Variants in TP53INP2 observed in about 807,000 individuals in gnomAD.
TP53INP2 encodes the protein tumor protein p53 inducible nuclear protein 2.
A neutral mutation model predicts 17.1 loss-of-function variants in TP53INP2; 12 were observed. That is an observed-to-expected ratio of 0.70 (90% CI 0.45 to 1.14). TP53INP2 has a LOEUF of 1.14. TP53INP2 is among the 50% of genes most tolerant of loss of function. The pLI is 0.00. For synonymous variants in TP53INP2, 145 were observed against 147.3 expected (o/e 0.98, Z 0.12); for missense variants, 342 against 330.9 (o/e 1.03, Z -0.26).
At position 34,713,357 on chromosome 20, in the gene TP53INP2, T is replaced by A. The variant is rs1219271773; in HGVS notation, c.*3050T>A. ...TGTATGTGTGTAACAGAATTCTGAT[T>A]GTTAGACTGTAATGCTATTCCTCTA... On this transcript the variant is annotated 3_prime_UTR_variant, in exon 5 of 5. Coordinates refer to ENST00000374810, the MANE Select transcript of TP53INP2 (RefSeq NM_021202.3). The A allele has an allele frequency of 2.0e-5, 3 of 152,636 alleles. No individual in the cohort carries two copies. The highest frequency in any genetic ancestry group is 7.2e-5 in the African/African-American group (3 of 41,462). The allele number at this position is 152,636 out of a possible 1,614,324, so 9.5% of individuals were successfully genotyped here.
rs1444206103 is a variant in TP53INP2, at chr20:34,708,695, T to G, written c.-45T>G. 32 of 1,543,894 alleles carry G rather than the reference T, an allele frequency of 2.1e-5. No homozygotes were observed. Among genetic ancestry groups the G allele is most frequent in the Non-Finnish European group, 2.7e-5 (31 of 1,147,602 alleles). ...TCACGTCCTTCTGATTCCCAGGTTT[T>G]TGCACTGCCATAGGGCGCCCCCGTG... On this transcript the variant is annotated 5_prime_UTR_variant, in exon 3 of 5. Coordinates refer to ENST00000374810, the MANE Select transcript of TP53INP2 (RefSeq NM_021202.3).
intron 3 of TP53INP2, 41 bp downstream of exon 3, chr20:34,708,904 T>A: frequency 6.2e-7 from 1 of 1,600,688 alleles, no homozygotes; most frequent in South Asian, 1.1e-5. Flanking sequence ...GAAGTCATTC[T>A]AAGGGCAGAT....
At position 34,709,100 on chromosome 20, in the gene TP53INP2, C is replaced by A; in HGVS notation, c.125-136C>A. Reference sequence around the variant, plus strand: ...CGCCTGGCCCGTGGGTGCCCCGGGGCGCTGCGGACGGGCTGCGGGTCTGAC... The same window carrying A: ...CGCCTGGCCCGTGGGTGCCCCGGGGAGCTGCGGACGGGCTGCGGGTCTGAC... On this transcript the variant is annotated intron_variant, in intron 3 of 4. Coordinates refer to ENST00000374810, the MANE Select transcript of TP53INP2 (RefSeq NM_021202.3). The surrounding 1 kb of genome is among the most constrained non-coding windows in gnomAD (Gnocchi z 5.4). The A allele has an allele frequency of 6.3e-6, 9 of 1,435,530 alleles. No individual in the cohort carries two copies. Among genetic ancestry groups the A allele is most frequent in the Non-Finnish European group, 8.2e-6 (9 of 1,097,624 alleles). The allele number at this position is 1,435,530 out of a possible 1,614,324, so 88.9% of individuals were successfully genotyped here. A position where few individuals can be genotyped will look rare whatever the true frequency, so the allele number is the denominator to read the frequency against.
At position 34,709,910 on chromosome 20, in the gene TP53INP2, T is replaced by C; in HGVS notation, c.414-148T>C. The C allele has an allele frequency of 1.9e-6, 2 of 1,056,928 alleles. No homozygotes were observed. Among genetic ancestry groups the C allele is most frequent in the Non-Finnish European group, 1.3e-6 (1 of 793,632 alleles). The allele number at this position is 1,056,928 out of a possible 1,614,324, so 65.5% of individuals were successfully genotyped here. A position where few individuals can be genotyped will look rare whatever the true frequency, so the allele number is the denominator to read the frequency against. ...TAAGGGCTAGAACCGAGGAGGCACC[T>C]CCGGGTTGGTACCCACAAGAAGGGC... On this transcript the variant is annotated intron_variant, in intron 4 of 4. Coordinates refer to ENST00000374810, the MANE Select transcript of TP53INP2 (RefSeq NM_021202.3). This position sits in a 1 kb window ranked among gnomAD's most constrained non-coding sequence, Gnocchi z 5.4.
intron 2 of TP53INP2, among the ~76,000 whole-genome samples, chr20:34,707,662 A>G (rs1988032623): frequency 6.6e-6 from 1 of 152,154 alleles, no homozygotes; most frequent in South Asian, 2.1e-4. Flanking sequence ...TGGGACAGTT[A>G]ACTTCTCTGA....
chr20:34,709,480 C>A lies in TP53INP2; in HGVS notation c.369C>A (p.Ser123=). The A allele has an allele frequency of 6.2e-7, 1 of 1,612,782 alleles. No homozygotes were observed. The highest frequency in any genetic ancestry group is 8.5e-7 in the Non-Finnish European group (1 of 1,179,860). ...TAGTGCTAGAGCCCGGGTCCCCTTC[C>A]CCGCTCCCGGACGCGGCCCTGCCTG... is the stretch of plus-strand genomic sequence containing the variant. The part of the protein sequence containing the change: ...STIVLEPGSP[S]PLPDAALPDG... The change falls in exon 4 of 5, where the codon TCC becomes TCA. Residue 123 remains serine, a synonymous_variant. Coordinates refer to ENST00000374810, the MANE Select transcript of TP53INP2 (RefSeq NM_021202.3). This position sits in a 1 kb window ranked among gnomAD's most constrained non-coding sequence, Gnocchi z 5.4.
Position 34,709,161 on chromosome 20 carries a change from GTGT to G in TP53INP2, c.125-74_125-72del. The stretch of plus-strand genomic sequence containing the variant: ...CTTTCTCTCCCCGCCCCCTTGTCCG[GTGT>G]GTGTGTGTGTGTGTGTGTGTGCCTC... On this transcript the variant is annotated intron_variant, in intron 3 of 4. Transcript: ENST00000374810. The surrounding 1 kb of genome is among the most constrained non-coding windows in gnomAD (Gnocchi z 5.4). 3.5e-5 allele frequency: 1 copy of G among 28,944 alleles called. No homozygotes were observed. The highest frequency in any genetic ancestry group is 4.2e-5 in the Non-Finnish European group (1 of 24,028). 1.8% of individuals were successfully genotyped at this position (28,944 alleles called of 1,614,324 possible).
In TP53INP2 at chr20:34,709,497, C is replaced by T. The variant is rs754979360; in HGVS notation, c.386C>T (p.Ala129Val). Residue 129 changes from alanine (A) to valine (V), a missense_variant, in exon 4 of 5, where the codon GCC becomes GTC. Transcript: ENST00000374810. This position sits in a 1 kb window ranked among gnomAD's most constrained non-coding sequence, Gnocchi z 5.4. The part of the protein sequence containing the change: ...PGSPSPLPDA[A>V]LPDGDLSEGE... ...TCCCCTTCCCCGCTCCCGGACGCGG[C>T]CCTGCCTGACGGCGACCTCAGCGAA... 1.2e-6 allele frequency: 2 copies of T among 1,610,360 alleles called. No homozygotes were observed. Among genetic ancestry groups the T allele is most frequent in the Admixed American group, 3.3e-5 (2 of 60,006 alleles).
At position 34,709,328 on chromosome 20, in the gene TP53INP2, G is replaced by C. The variant is rs1478445614; in HGVS notation, c.217G>C (p.Val73Leu). 1 of 1,613,270 alleles carries C rather than the reference G, an allele frequency of 6.2e-7. No individual in the cohort carries two copies. Among genetic ancestry groups the C allele is most frequent in the Non-Finnish European group, 8.5e-7 (1 of 1,179,790 alleles). Residue 73 changes from valine to leucine, a missense_variant, in exon 4 of 5, where the codon GTT becomes CTT. Val to Leu is a conservative substitution (Grantham distance 32). Coordinates refer to ENST00000374810, the MANE Select transcript of TP53INP2 (RefSeq NM_021202.3). The surrounding 1 kb of genome is among the most constrained non-coding windows in gnomAD (Gnocchi z 5.4). ...CTCCTTGATGGACGAGAGCTGGTTT[G>C]TTACCCCTCCCGCCTGTTTTACGGC... ...APSLMDESWFVTPPACFTAEG... is the reference protein window; with the variant it reads ...APSLMDESWFLTPPACFTAEG...
At chr20:34,705,115 C>T (rs920864825) in intron 1 of TP53INP2, among the ~76,000 whole-genome samples, 1 of 152,184 alleles carries the variant, frequency 6.6e-6, no homozygotes, top group Non-Finnish European at 1.5e-5. Flanking sequence ...GGTCTTAGAC[C>T]CCAGTGCATG....
Position 34,710,132 on chromosome 20 carries a change from TG to T in TP53INP2, c.490del (p.Glu164ArgfsTer21). ...CCTCTCCCAGCGCGGGCGGCGCTGC[TG>T]GAGAAGGCGGGCCAGGTGCGGCGGC... ...AAPLPARAAL[L>X]EKAGQVRRLQ... On this transcript the variant is annotated frameshift_variant, in exon 5 of 5. Transcript: ENST00000374810. LOFTEE classifies it high-confidence loss of function. The surrounding 1 kb of genome is among the most constrained non-coding windows in gnomAD (Gnocchi z 4.9). 7.9e-7 allele frequency: 1 copy of T among 1,268,802 alleles called. No homozygotes were observed. Among genetic ancestry groups the T allele is most frequent in the Non-Finnish European group, 9.9e-7 (1 of 1,010,014 alleles). The allele number at this position is 1,268,802 out of a possible 1,614,324, so 78.6% of individuals were successfully genotyped here.
In TP53INP2 at chr20:34,712,225, AC is replaced by A. The variant is rs1221138008; in HGVS notation, c.*1919del. The A allele has an allele frequency of 6.5e-6, 1 of 152,696 alleles. No individual in the cohort carries two copies. The highest frequency in any genetic ancestry group is 2.4e-5 in the African/African-American group (1 of 41,430). 9.5% of individuals were successfully genotyped at this position (152,696 alleles called of 1,614,324 possible). A position where few individuals can be genotyped will look rare whatever the true frequency, so the allele number is the denominator to read the frequency against. ...TTATTCTTCCAGCTACCACTTGGGC[AC>A]TTCACAGCCAGCCTAGGGTCTTCGG... On this transcript the variant is annotated 3_prime_UTR_variant, in exon 5 of 5. Coordinates refer to ENST00000374810, the MANE Select transcript of TP53INP2 (RefSeq NM_021202.3).
In TP53INP2 at chr20:34,710,360, TCCTC is replaced by T. The variant is rs1988157615; in HGVS notation, c.*55_*58del. On this transcript the variant is annotated 3_prime_UTR_variant, in exon 5 of 5. Transcript: ENST00000374810. The surrounding 1 kb of genome is among the most constrained non-coding windows in gnomAD (Gnocchi z 4.9). Reference sequence around the variant, plus strand: ...TTGCCGATCCCGATCCCTGTCGGGCTCCTCCGACTCCTCGGGCTGGACACCGAAA... The same window carrying T: ...TTGCCGATCCCGATCCCTGTCGGGCTCGACTCCTCGGGCTGGACACCGAAA... 1 of 1,273,068 alleles carries T rather than the reference TCCTC, an allele frequency of 7.9e-7. No individual in the cohort carries two copies. Among genetic ancestry groups the T allele is most frequent in the Admixed American group, 3.8e-5 (1 of 25,978 alleles). 78.9% of individuals were successfully genotyped at this position (1,273,068 alleles called of 1,614,324 possible).
chr20:34,706,626 C>T (rs1472347127), intron 2 of TP53INP2, among the ~76,000 whole-genome samples: 2 of 152,126 alleles, frequency 1.3e-5, no homozygotes, highest in African/African-American at 4.8e-5. Flanking sequence ...CCCCATCCCA[C>T]CAGAGAAGCC....
In TP53INP2 at chr20:34,708,850, C is replaced by A. The variant is rs141590455; in HGVS notation, c.111C>A (p.Ile37=). ...AGGATGAAGTGGACGGCTGGCTCATCATTGACCTGCCGGGTGAGGCCTGGG... is the reference window on the plus strand; with the variant it reads ...AGGATGAAGTGGACGGCTGGCTCATAATTGACCTGCCGGGTGAGGCCTGGG... ...SEEDEVDGWL[I]IDLPDSYAAP... Residue 37 remains isoleucine (I), a synonymous_variant, in exon 3 of 5, where the codon ATC becomes ATA. Transcript: ENST00000374810. The A allele has an allele frequency of 3.9e-5, 63 of 1,613,526 alleles. No homozygotes were observed. Among genetic ancestry groups the A allele is most frequent in the Non-Finnish European group, 5.2e-5 (61 of 1,179,746 alleles).
At chr20:34,708,625 C>A in intron 2 of TP53INP2, 66 bp from the exon 3 acceptor site, 1 of 970,036 alleles carries the variant, frequency 1.0e-6, no homozygotes, top group Non-Finnish European at 1.5e-6. Context: ...CTTCTGGCCT[C>A]TTCCCCAGGC....
chr20:34,706,564 TG>T (rs1314107338), intron 2 of TP53INP2, among the ~76,000 whole-genome samples: 2 of 152,182 alleles, frequency 1.3e-5, no homozygotes, highest in Non-Finnish European at 2.9e-5. Context: ...TTGTGCTGGG[TG>T]GACACTAGTT....
chr20:34,709,310 A>G lies in TP53INP2; in HGVS notation c.199A>G (p.Met67Val). 1.2e-6 allele frequency: 2 copies of G among 1,612,624 alleles called. No homozygotes were observed. The highest frequency in any genetic ancestry group is 8.5e-7 in the Non-Finnish European group (1 of 1,179,536). Residue 67 changes from methionine (M) to valine (V), a missense_variant, in exon 4 of 5, where the codon ATG becomes GTG. By Grantham distance (21) the Met-to-Val change is conservative. Transcript: ENST00000374810. This position sits in a 1 kb window ranked among gnomAD's most constrained non-coding sequence, Gnocchi z 5.4. ...AGRPPPAPSLMDESWFVTPPA... is the reference protein window; with the variant it reads ...AGRPPPAPSLVDESWFVTPPA... ...CCGCCCTCCGCCCGCGCCCTCCTTG[A>G]TGGACGAGAGCTGGTTTGTTACCCC... is the stretch of plus-strand genomic sequence containing the variant.
chr20:34,707,400 C>T lies in TP53INP2; in HGVS notation c.-49-1291C>T, dbSNP rs143664042. Among the ~76,000 whole-genome samples, 650 of 152,278 alleles carry T rather than the reference C, an allele frequency of 4.3e-3. 2 individuals carry two copies. The highest frequency in any genetic ancestry group is 0.014 in the African/African-American group (599 of 41,536). On this transcript the variant is annotated intron_variant, in intron 2 of 4. Transcript: ENST00000374810. ...TTTCTGCTGGCCAGTGCTTTTCAAA[C>T]CACACAGGCTCCAGGAGTGGTTCTT... is the stretch of plus-strand genomic sequence containing the variant.
Sources: allele counts gnomAD v4.1 joint callset (sites outside exome capture counted in the v4.1 genomes callset), GRCh38; gene constraint gnomAD v4.1.1; non-coding constraint Gnocchi (gnomAD v3.1); transcripts MANE v1.5; gene names NCBI Gene and HGNC (gene_info 2026-07-23, HGNC 2026-07-21).